RBFOX2: variants seen among roughly 807,000 people sequenced by gnomAD.
The protein encoded by RBFOX2 is RNA binding protein fox-1 homolog 2.
A neutral mutation model predicts 49.1 loss-of-function variants in RBFOX2; 10 were observed. That is an observed-to-expected ratio of 0.20 (90% CI 0.13 to 0.35). RBFOX2 has a LOEUF of 0.35. Among genes scored for constraint, RBFOX2 ranks in the 10% least tolerant of loss-of-function variants. The pLI, the probability that RBFOX2 is intolerant of heterozygous loss-of-function variation, is 1.00. For missense variants in RBFOX2, 323 were observed against 486.9 expected, an observed-to-expected ratio of 0.66 and a Z score of 3.17; for synonymous variants, 183 against 187.4, an observed-to-expected ratio of 0.98 and a Z score of 0.19.
upstream of RBFOX2, among the ~76,000 whole-genome samples, chr22:35,964,334 C>T (rs989337663): frequency 1.2e-4 from 18 of 152,168 alleles, no homozygotes; most frequent in African/African-American, 4.3e-4. Context: ...TTATGTATTA[C>T]TAACAGTATT....
At chr22:35,771,036 A>G (rs1160723166) in intron 4 of RBFOX2, among the ~76,000 whole-genome samples, 1 of 152,182 alleles carries the variant, frequency 6.6e-6, no homozygotes, top group East Asian at 1.9e-4. Flanking sequence ...TAAAGGTAAG[A>G]AGATTTCTTT....
chr22:35,797,260 A>C (rs1192348442), intron 2 of RBFOX2, among the ~76,000 whole-genome samples: 1 of 152,194 alleles, frequency 6.6e-6, no homozygotes, highest in African/African-American at 2.4e-5. Context: ...AAACTAATAT[A>C]TTTGAGTGCC....
chr22:35,832,634 A>G (rs1160895310), intron 1 of RBFOX2, among the ~76,000 whole-genome samples: 1 of 152,010 alleles, frequency 6.6e-6, no homozygotes, highest in Non-Finnish European at 1.5e-5. Context: ...GAATTTCGAG[A>G]GCAGCCTGGC....
chr22:36,022,780 G>C (rs542533677), intron 1 of RBFOX2, among the ~76,000 whole-genome samples: 9 of 152,106 alleles, frequency 5.9e-5, no homozygotes, highest in Non-Finnish European at 1.2e-4. Flanking sequence ...AAGAGGAAGA[G>C]ACCACTGACT....
At chr22:35,795,628 C>CAAAA (rs139555281) in intron 2 of RBFOX2, among the ~76,000 whole-genome samples, 36 of 33,572 alleles carry the variant, frequency 1.1e-3, no homozygotes, top group African/African-American at 3.0e-3. Flanking sequence ...TGTAGAAAAG[C>CAAAA]AAAAAAAAAA....
intron 3 of RBFOX2, among the ~76,000 whole-genome samples, chr22:35,778,498 T>C (rs1944428841): frequency 2.0e-5 from 3 of 152,072 alleles, no homozygotes; most frequent in African/African-American, 7.2e-5. Flanking sequence ...GCAGAAAATA[T>C]AAACAAAAGG....
upstream of RBFOX2, among the ~76,000 whole-genome samples, chr22:35,965,780 C>A (rs188222488): frequency 6.6e-6 from 1 of 152,176 alleles, no homozygotes; most frequent in South Asian, 2.1e-4. Flanking sequence ...ACACTCACAT[C>A]CTACAAGCTC....
rs114197663 is a variant in RBFOX2, at chr22:35,980,855, C to T, written c.187-41958G>A. ...TGGGATCGGGCTCAGGAAAGGCTTC[C>T]TTGAAAACAAAATACCATTTGGCTG... On this transcript the variant is annotated intron_variant, in intron 1 of 13. Coordinates refer to the RBFOX2 transcript ENST00000438146. 2.6e-3 allele frequency among the ~76,000 whole-genome samples: 396 copies of T among 152,272 alleles called. 4 individuals are homozygous for T. The highest frequency in any genetic ancestry group is 9.3e-3 in the African/African-American group (387 of 41,558).
At chr22:35,855,968 C>A (rs2042464266) in intron 1 of RBFOX2, among the ~76,000 whole-genome samples, 1 of 151,254 alleles carries the variant, frequency 6.6e-6, no homozygotes, top group Non-Finnish European at 1.5e-5. Context: ...GATTGTGCCA[C>A]TGAACTCGAG....
intron 2 of RBFOX2, among the ~76,000 whole-genome samples, chr22:35,789,368 C>T (rs1050775486): frequency 6.6e-6 from 1 of 151,912 alleles, no homozygotes; most frequent in African/African-American, 2.4e-5. Flanking sequence ...CATGGTGAAA[C>T]CCTGTTTCTA....
At chr22:35,739,636 T>C (rs548236818) in exon 12 of RBFOX2, 1 of 152,690 alleles carries the variant, frequency 6.5e-6, no homozygotes, top group Non-Finnish European at 1.5e-5. Flanking sequence ...CTTAAAGCAC[T>C]TATCAGTCCC....
At chr22:35,766,364 T>G (rs1449321550) in intron 5 of RBFOX2, among the ~76,000 whole-genome samples, 7 of 152,172 alleles carry the variant, frequency 4.6e-5, no homozygotes, top group Non-Finnish European at 8.8e-5. Flanking sequence ...ACATGCCAAT[T>G]GAAAAAAGAA....
chr22:36,010,824 C>T (rs2058795151), intron 1 of RBFOX2, among the ~76,000 whole-genome samples: 1 of 151,870 alleles, frequency 6.6e-6, no homozygotes. Flanking sequence ...ACTTACTTCC[C>T]ATCAAGTCTC....
chr22:35,773,096 TTC>T (rs1276665299), intron 4 of RBFOX2, among the ~76,000 whole-genome samples: 1 of 150,998 alleles, frequency 6.6e-6, no homozygotes, highest in African/African-American at 2.4e-5. Flanking sequence ...GCACTGTTAA[TTC>T]TGTTTTAAAT....
chr22:35,758,183 C>G (rs1602226943), intron 9 of RBFOX2, among the ~76,000 whole-genome samples: 1 of 152,074 alleles, frequency 6.6e-6, no homozygotes, highest in Admixed American at 6.6e-5. Flanking sequence ...AAAAAGAAAA[C>G]ATGGGAAATC....
At chr22:36,013,204 T>TC (rs2058891863) in intron 1 of RBFOX2, among the ~76,000 whole-genome samples, 1 of 152,000 alleles carries the variant, frequency 6.6e-6, no homozygotes, top group Non-Finnish European at 1.5e-5. Flanking sequence ...GCCCAGGAGT[T>TC]CAAGGTTGCA....
At chr22:35,882,452 C>T (rs753478522) in intron 1 of RBFOX2, among the ~76,000 whole-genome samples, 2 of 152,118 alleles carry the variant, frequency 1.3e-5, no homozygotes, top group African/African-American at 4.8e-5. Context: ...ATATAAACAA[C>T]GCTACTGAGT....
intron 1 of RBFOX2, among the ~76,000 whole-genome samples, chr22:35,919,922 T>C (rs1248330741): frequency 6.6e-6 from 1 of 152,230 alleles, no homozygotes; most frequent in Non-Finnish European, 1.5e-5. Context: ...TTAGTTTTGT[T>C]TTGTTCTTCA....
intron 1 of RBFOX2, among the ~76,000 whole-genome samples, chr22:36,019,157 C>T (rs1458527846): frequency 6.6e-6 from 1 of 152,196 alleles, no homozygotes; most frequent in Non-Finnish European, 1.5e-5. Flanking sequence ...CTGTCACCCA[C>T]CCTCCCAACA....
Sources: gnomAD v4.1 joint callset for allele counts (sites outside exome capture counted in the v4.1 genomes callset) on GRCh38, gnomAD v4.1.1 for gene constraint, MANE v1.5 for transcripts, NCBI Gene and HGNC (gene_info 2026-07-23, HGNC 2026-07-21) for gene names.